The following SMARCB1 variants were observed in gnomAD, a reference collection of about 807,000 sequenced individuals.
SMARCB1 encodes SWI/SNF related BAF chromatin remodeling complex subunit B1.
Under a neutral mutation model 49.0 loss-of-function variants are expected in SMARCB1, and 5 were observed. That is an observed-to-expected ratio of 0.10 (90% CI 0.05 to 0.21). The LOEUF is 0.21. Ranked by LOEUF, SMARCB1 falls within the 10% of genes least tolerant of loss-of-function variation. The pLI is 1.00. For synonymous variants in SMARCB1, 201 were observed against 200.1 expected (o/e 1.00, Z -0.04); for missense variants, 226 against 509.2 (o/e 0.44, Z 5.35).
At chr22:23,801,766 G>A (rs967707172) in intron 4 of SMARCB1, 12 of 214,218 alleles carry the variant, frequency 5.6e-5, no homozygotes, top group African/African-American at 9.1e-5. Context: ...TCACTTAATC[G>A]TATCTTCAAA....
chr22:23,796,607 G>A (rs1928763945), intron 3 of SMARCB1, among the ~76,000 whole-genome samples: 1 of 152,244 alleles, frequency 6.6e-6, no homozygotes, highest in Non-Finnish European at 1.5e-5. Flanking sequence ...GTGCTTTGCA[G>A]ATTCTTTTTC....
intron 4 of SMARCB1, chr22:23,803,016 A>G (rs1279358605): frequency 1.9e-6 from 1 of 528,872 alleles, no homozygotes; most frequent in South Asian, 2.0e-5. Flanking sequence ...TCAGGCTTAA[A>G]TATCCCTTCA....
Position 23,835,323 on chromosome 22 carries a change from C to T in SMARCB1, c.*1143C>T. The T allele has an allele frequency of 9.8e-7, 1 of 1,020,604 alleles. No homozygotes were observed. The highest frequency in any genetic ancestry group is 1.2e-6 in the Non-Finnish European group (1 of 854,044). 63.2% of individuals were successfully genotyped at this position (1,020,604 alleles called of 1,614,324 possible). A position where few individuals can be genotyped will look rare whatever the true frequency, so the allele number is the denominator to read the frequency against. ...CTCCAGCCTTACTGAAGAGAATGGGCACAGATCCGGGCACAGATCCCAGCA... is the reference window on the plus strand; with the variant it reads ...CTCCAGCCTTACTGAAGAGAATGGGTACAGATCCGGGCACAGATCCCAGCA... On this transcript the variant is annotated 3_prime_UTR_variant, in exon 9 of 9. Coordinates refer to ENST00000644036, the MANE Select transcript of SMARCB1 (RefSeq NM_003073.5).
intron 6 of SMARCB1, chr22:23,823,680 G>C (rs9608198): frequency 6.6e-6 from 1 of 151,944 alleles, no homozygotes; most frequent in East Asian, 1.9e-4. Flanking sequence ...ACGTATAGTC[G>C]CAGCTACTCA....
chr22:23,820,121 G>C (rs112286707), intron 6 of SMARCB1, among the ~76,000 whole-genome samples: 9,705 of 152,174 alleles, frequency 0.064, 1,020 homozygotes, highest in African/African-American at 0.22. Flanking sequence ...ACTGTGCCCG[G>C]CCAGTTTGCC....
chr22:23,808,368 A>AC (rs1186130471), intron 5 of SMARCB1, among the ~76,000 whole-genome samples: 1 of 148,594 alleles, frequency 6.7e-6, no homozygotes, highest in Non-Finnish European at 1.5e-5. Flanking sequence ...TGATCCGCCC[A>AC]CCTCGGCCTC....
rs1335577611 is a variant in SMARCB1, at chr22:23,837,146, C to T, written c.*2966C>T. 4.3e-6 allele frequency: 7 copies of T among 1,613,824 alleles called. No homozygotes were observed. Among genetic ancestry groups the T allele is most frequent in the African/African-American group, 2.7e-5 (2 of 74,916 alleles). On this transcript the variant is annotated 3_prime_UTR_variant, in exon 9 of 9. Coordinates refer to ENST00000644036, the MANE Select transcript of SMARCB1 (RefSeq NM_003073.5). ...TCCAGGAAGTAGTAGATATGGCCCA[C>T]CGCAATCCCTGTGAGACAGCCACGG...
In SMARCB1 at chr22:23,806,860, C is replaced by T. The variant is rs35209670; in HGVS notation, c.628+3438C>T. Among the ~76,000 whole-genome samples, 1,322 of 141,062 alleles carry T rather than the reference C, an allele frequency of 9.4e-3. 15 individuals are homozygous for T. Among genetic ancestry groups the T allele is most frequent in the African/African-American group, 0.033 (1,217 of 37,042 alleles). The allele number at this position is 141,062 out of a possible 152,430, so 92.5% of individuals were successfully genotyped here. ...GCTTGAACCTGGGAGGCAGAGGTTG[C>T]AGTTAGCTGAGATTGTGGCATTGCA... is the stretch of plus-strand genomic sequence containing the variant. On this transcript the variant is annotated intron_variant, in intron 5 of 8. Transcript: ENST00000644036.
rs1235856871 is a variant in SMARCB1 at position 23,791,907 on chromosome 22, G to A, written c.232+13G>A. The A allele has an allele frequency of 6.2e-7, 1 of 1,613,762 alleles. No individual in the cohort carries two copies. Among genetic ancestry groups the A allele is most frequent in the Non-Finnish European group, 8.5e-7 (1 of 1,179,714 alleles). On this transcript the variant is annotated intron_variant, in intron 2 of 8. Transcript: ENST00000644036. ...CCTAACACTAAGGGTGCGTCTTCAC[G>A]AGGGTTTGTAAACCTGTTTCAAAAC...
Position 23,787,048 on chromosome 22 carries a change from C to A in SMARCB1, c.-122C>A, listed in dbSNP as rs987683829. On this transcript the variant is annotated 5_prime_UTR_variant, in exon 1 of 9. Transcript: ENST00000644036. ...GAGGAGCCCGGCTGAGGCGCCAGTA[C>A]CCGGCCCGGTCCGCATTTCGCCTTC... The A allele has an allele frequency of 4.5e-6, 3 of 664,824 alleles. No individual in the cohort carries two copies. Among genetic ancestry groups the A allele is most frequent in the East Asian group, 6.5e-5 (2 of 30,664 alleles). 41.2% of individuals were successfully genotyped at this position (664,824 alleles called of 1,614,324 possible).
rs751914353 is a variant in SMARCB1 at position 23,803,352 on chromosome 22, G to C, written c.558G>C (p.Leu186=). The C allele has an allele frequency of 6.2e-7, 1 of 1,614,172 alleles. No homozygotes were observed. Among genetic ancestry groups the C allele is most frequent in the Non-Finnish European group, 8.5e-7 (1 of 1,180,006 alleles). ...AGAACGCATCTCAGCCCGAGGTGCTGGTCCCCATCCGGCTGGACATGGAGA... is the reference window on the plus strand; with the variant it reads ...AGAACGCATCTCAGCCCGAGGTGCTCGTCCCCATCCGGCTGGACATGGAGA... ...IHENASQPEV[L]VPIRLDMEID... is the part of the protein sequence containing the mutation. The change falls in exon 5 of 9, where the codon CTG becomes CTC. Residue 186 remains leucine (L), a synonymous_variant. Transcript: ENST00000644036.
Position 23,837,430 on chromosome 22 carries a change from C to CA in SMARCB1, c.*3251dup, listed in dbSNP as rs946497193. ...ACCCTGACCCTCCCATCCTCACTCC[C>CA]ATCAGGACCGTGCAAGCATCAGTAG... On this transcript the variant is annotated 3_prime_UTR_variant, in exon 9 of 9. Transcript: ENST00000644036. 1.9e-4 allele frequency: 121 copies of CA among 645,636 alleles called. No homozygotes were observed. In the African/African-American group the frequency reaches 1.9e-3, roughly 10 times the overall value. 40.0% of individuals were successfully genotyped at this position (645,636 alleles called of 1,614,324 possible).
intron 4 of SMARCB1, chr22:23,802,822 C>G (rs1929250576): frequency 6.7e-6 from 2 of 300,330 alleles, no homozygotes; most frequent in Admixed American, 4.7e-5. Flanking sequence ...ACTGTGGGTG[C>G]TTCGACACCC....
At position 23,835,362 on chromosome 22, in the gene SMARCB1, C is replaced by T. The variant is rs1246798021; in HGVS notation, c.*1182C>T. 4.0e-6 allele frequency: 4 copies of T among 992,236 alleles called. No individual in the cohort carries two copies. In the African/African-American group the frequency reaches 6.9e-5, roughly 17 times the overall value. The allele number at this position is 992,236 out of a possible 1,614,324, so 61.5% of individuals were successfully genotyped here. ...CAGATCCCAGCACAGACTGCTGCCA[C>T]CCTCAGCTGTTGGCAGGTCCCATGC... is the stretch of plus-strand genomic sequence containing the variant. On this transcript the variant is annotated 3_prime_UTR_variant, in exon 9 of 9. Transcript: ENST00000644036.
intron 7 of SMARCB1, 148 bp downstream of exon 7, chr22:23,825,563 C>T (rs1324287244): frequency 1.5e-6 from 1 of 687,282 alleles, no homozygotes; most frequent in African/African-American, 1.8e-5. Flanking sequence ...CTCCGTCCTC[C>T]TCCTGCCCTA....
chr22:23,834,838 C>G lies in SMARCB1; in HGVS notation c.*658C>G, dbSNP rs1246305988. 3 of 1,611,588 alleles carry G rather than the reference C, an allele frequency of 1.9e-6. No homozygotes were observed. Among genetic ancestry groups the G allele is most frequent in the Non-Finnish European group, 2.5e-6 (3 of 1,179,262 alleles). On this transcript the variant is annotated 3_prime_UTR_variant, in exon 9 of 9. Transcript: ENST00000644036. Reference sequence around the variant, plus strand: ...CCCCTTGCTTGGCCTCAGGAAGGTGCCGCGAGCTCTCCTGCCGTCCCTGGG... The same window carrying G: ...CCCCTTGCTTGGCCTCAGGAAGGTGGCGCGAGCTCTCCTGCCGTCCCTGGG...
intron 8 of SMARCB1, 116 bp downstream of exon 8, chr22:23,833,819 G>A: frequency 1.7e-6 from 2 of 1,185,026 alleles, no homozygotes; most frequent in Non-Finnish European, 2.5e-6. Flanking sequence ...TACCTCTAGT[G>A]CTGCTAGAGG....
chr22:23,794,943 A>G (rs1332345586), intron 3 of SMARCB1, among the ~76,000 whole-genome samples: 2 of 152,138 alleles, frequency 1.3e-5, no homozygotes, highest in Non-Finnish European at 2.9e-5. Flanking sequence ...TTAGAAGAGT[A>G]TTTATAGTAA....
At chr22:23,807,871 T>C (rs886190867) in intron 5 of SMARCB1, among the ~76,000 whole-genome samples, 145 of 148,500 alleles carry the variant, frequency 9.8e-4, no homozygotes, top group Admixed American at 1.9e-3. Flanking sequence ...CTCGGCTCAC[T>C]GCAAGCTCCG....
Sources: gnomAD v4.1 joint callset for allele counts (sites outside exome capture counted in the v4.1 genomes callset) on GRCh38, gnomAD v4.1.1 for gene constraint, MANE v1.5 for transcripts, NCBI Gene and HGNC (gene_info 2026-07-23, HGNC 2026-07-21) for gene names.